The following DQX1 variants were observed in gnomAD, a reference collection of about 807,000 sequenced individuals.
DQX1 encodes the protein ATP-dependent RNA helicase homolog DQX1.
In DQX1, 66 loss-of-function variants were observed where a neutral mutation model predicts 81.3. The observed-to-expected ratio is 0.81, with a 90% CI of 0.67 to 1.00. DQX1 has a LOEUF of 1.00. Ranked by LOEUF, DQX1 falls within the 50% of genes least tolerant of loss-of-function variation. The pLI is 0.00. For synonymous variants in DQX1, 290 were observed against 350.0 expected (o/e 0.83, Z 1.91); for missense variants, 798 against 867.9 (o/e 0.92, Z 1.01).
rs1411625474 is a variant in DQX1 at position 74,526,176 on chromosome 2, C to G, written c.-60G>C. On this transcript the variant is annotated 5_prime_UTR_variant, in exon 1 of 12. Transcript: ENST00000404568. The stretch of plus-strand genomic sequence containing the variant: ...GGACGTGTCAGGACGGCAGTCAGCT[C>G]CAGACCCACGTAGTCACCACCAACC... The G allele has an allele frequency of 1.0e-4, 18 of 175,724 alleles. No homozygotes were observed. The highest frequency in any genetic ancestry group is 2.2e-4 in the Non-Finnish European group (18 of 82,796). 10.9% of individuals were successfully genotyped at this position (175,724 alleles called of 1,614,324 possible).
At chr2:74,519,796 A>G (rs961190054) in intron 9 of DQX1, 50 bp from the exon 10 acceptor site, 1 of 1,608,772 alleles carries the variant, frequency 6.2e-7, no homozygotes. Context: ...GACCCCTGAA[A>G]TAACCCAACC....
In DQX1 at chr2:74,519,555, C is replaced by T. The variant is rs200151764; in HGVS notation, c.1806+1G>A. 2 of 1,614,048 alleles carry T rather than the reference C, an allele frequency of 1.2e-6. No homozygotes were observed. The highest frequency in any genetic ancestry group is 8.5e-7 in the Non-Finnish European group (1 of 1,179,890). On this transcript the variant is annotated splice_donor_variant, in intron 10 of 11. Coordinates refer to ENST00000404568, the MANE Select transcript of DQX1 (RefSeq NM_133637.3). LOFTEE classifies it high-confidence loss of function. Reference sequence around the variant, plus strand: ...CCCTCACCCCCACCCTTTCCTCTAACCTTGAGAAAGTATCCTGACACCAGT... The same window carrying T: ...CCCTCACCCCCACCCTTTCCTCTAATCTTGAGAAAGTATCCTGACACCAGT...
At chr2:74,523,578 G>A (rs762195332) in intron 4 of DQX1, 41 bp from the exon 5 acceptor site, 23 of 1,576,750 alleles carry the variant, frequency 1.5e-5, no homozygotes, top group East Asian at 1.1e-4. Context: ...CAGTTCTCAC[G>A]TTTTTTGGGG....
chr2:74,523,923 C>T lies in DQX1; in HGVS notation c.816G>A (p.Glu272=), dbSNP rs2104341266. The T allele has an allele frequency of 1.9e-6, 3 of 1,566,676 alleles. No individual in the cohort carries two copies. The highest frequency in any genetic ancestry group is 4.5e-5 in the East Asian group (2 of 44,232). The change falls in exon 4 of 12, where the codon GAG becomes GAA. Residue 272 remains glutamate, a splice_region_variant and synonymous_variant. Transcript: ENST00000404568. The stretch of plus-strand genomic sequence containing the variant: ...TTTTTTGTTTTGTTTTGTTTTTTAC[C>T]TCCTCACTGGGCAGGAACACTAGCA... ...GDVLVFLPSE[E]EISLCCESLS...
chr2:74,523,162 A>C lies in DQX1; in HGVS notation c.1101T>G (p.Cys367Trp), dbSNP rs746573993. The change falls in exon 6 of 12, where the codon TGT becomes TGG. Residue 367 changes from cysteine (C) to tryptophan (W), a missense_variant. Coordinates refer to ENST00000404568, the MANE Select transcript of DQX1 (RefSeq NM_133637.3). ...CTCGCAATCGTCTTGCCTCTGCCTG[A>C]CACTTGCTGATTGGCCTCAACACTT... ...EFQVLRPISKCQAEARRLRAR... is the reference protein window; with the variant it reads ...EFQVLRPISKWQAEARRLRAR... 2.5e-6 allele frequency: 4 copies of C among 1,614,120 alleles called. No individual in the cohort carries two copies. Among genetic ancestry groups the C allele is most frequent in the Non-Finnish European group, 2.5e-6 (3 of 1,180,026 alleles).
intron 8 of DQX1, among the ~76,000 whole-genome samples, chr2:74,520,532 GA>G (rs1178982258): frequency 6.6e-6 from 1 of 152,212 alleles, no homozygotes; most frequent in African/African-American, 2.4e-5. Flanking sequence ...TGGAGGGAAT[GA>G]AATGACGTGG....
Position 74,523,951 on chromosome 2 carries a change from T to A in DQX1, c.788A>T (p.Asp263Val). The change falls in exon 4 of 12, where the codon GAT (aspartate) becomes GTT (valine). Residue 263 changes from aspartate (D) to valine (V), a missense_variant. Asp to Val is a radical substitution (Grantham distance 152, BLOSUM62 -3). Transcript: ENST00000404568. ...CTCACTGGGCAGGAACACTAGCACA[T>A]CTCCTGGAAGCTCCTTCCGACACAA... ...LELCRKELPGDVLVFLPSEEE... is the reference protein window; with the variant it reads ...LELCRKELPGVVLVFLPSEEE... 2 of 1,602,858 alleles carry A rather than the reference T, an allele frequency of 1.2e-6. No individual in the cohort carries two copies. The highest frequency in any genetic ancestry group is 2.2e-5 in the South Asian group (2 of 90,672).
chr2:74,519,887 G>A (rs958947864), intron 9 of DQX1, 28 bp downstream of exon 9: 1 of 1,604,846 alleles, frequency 6.2e-7, no homozygotes, highest in Non-Finnish European at 8.5e-7. Context: ...GGAAAATCTG[G>A]GATTCTATAA....
At chr2:74,518,894 C>T in intron 11 of DQX1, 146 bp downstream of exon 11, 1 of 922,060 alleles carries the variant, frequency 1.1e-6, no homozygotes, top group Non-Finnish European at 1.6e-6. Flanking sequence ...TTAAACTTCT[C>T]ACCAGCCCTT....
At position 74,524,265 on chromosome 2, in the gene DQX1, G is replaced by A; in HGVS notation, c.474C>T (p.Thr158=). Residue 158 remains threonine, a synonymous_variant, in exon 4 of 12, where the codon ACC becomes ACT. Coordinates refer to ENST00000404568, the MANE Select transcript of DQX1 (RefSeq NM_133637.3). ...GCACGCCCCAGGCTCCAGTGCCTCGGGTCGAGGCCACCTCCTGCAGAAGCA... is the reference window on the plus strand; with the variant it reads ...GCACGCCCCAGGCTCCAGTGCCTCGAGTCGAGGCCACCTCCTGCAGAAGCA... ...DRLLLQEVAS[T]RGTGAWGVLV... 6.2e-7 allele frequency: 1 copy of A among 1,613,836 alleles called. No individual in the cohort carries two copies. Among genetic ancestry groups the A allele is most frequent in the Non-Finnish European group, 8.5e-7 (1 of 1,179,964 alleles).
Position 74,518,348 on chromosome 2 carries a change from A to G in DQX1, c.*98T>C. On this transcript the variant is annotated 3_prime_UTR_variant, in exon 12 of 12. Transcript: ENST00000404568. ...TTCCAGGGTTTACATTTGACCCTAA[A>G]CTTTGGGCTTCTAAATCTGTCTGGG... 5.5e-6 allele frequency: 8 copies of G among 1,461,910 alleles called. No individual in the cohort carries two copies. In the South Asian group the frequency reaches 8.0e-5, roughly 15 times the overall value. 90.6% of individuals were successfully genotyped at this position (1,461,910 alleles called of 1,614,324 possible).
rs1204175402 is a variant in DQX1, at chr2:74,525,808, TC to T, written c.-19-61del. ...TGGTGACCGACACCATCTTCCCACC[TC>T]AGCCCTGATCCTTAACCTCTACCTT... On this transcript the variant is annotated intron_variant, in intron 1 of 11. Transcript: ENST00000404568. This position sits in a 1 kb window ranked among gnomAD's most constrained non-coding sequence, Gnocchi z 4.1. The T allele has an allele frequency of 8.3e-7, 1 of 1,198,114 alleles. No homozygotes were observed. Among genetic ancestry groups the T allele is most frequent in the Non-Finnish European group, 1.2e-6 (1 of 852,228 alleles). 74.2% of individuals were successfully genotyped at this position (1,198,114 alleles called of 1,614,324 possible). A position where few individuals can be genotyped will look rare whatever the true frequency, so the allele number is the denominator to read the frequency against.
At chr2:74,526,105 C>G (rs1004989011) in intron 1 of DQX1, 31 bp downstream of exon 1, 1 of 218,956 alleles carries the variant, frequency 4.6e-6, no homozygotes, top group Admixed American at 5.4e-5. Flanking sequence ...GGGAGAGGAA[C>G]AGCAGAGTCA....
Position 74,523,531 on chromosome 2 carries a change from A to G in DQX1, c.823T>C (p.Ser275Pro). The G allele has an allele frequency of 1.9e-6, 3 of 1,614,006 alleles. No individual in the cohort carries two copies. The South Asian group carries it at 3.3e-5, about 18-fold the overall frequency. The change falls in exon 5 of 12, where the codon TCC (serine) becomes CCC (proline). Residue 275 changes from serine to proline, a missense_variant. Transcript: ENST00000404568. ...CTGGACAAGGATTCACAGCACAGGG[A>G]AATTTCCTGAGAAGAAGGGTGGGTG... ...LVFLPSEEEISLCCESLSREV... is the reference protein window; with the variant it reads ...LVFLPSEEEIPLCCESLSREV...
rs765520131 is a variant in DQX1 at position 74,519,657 on chromosome 2, G to A, written c.1705C>T (p.Leu569Phe). ...AHKLRGELLELMQRIELPLSL... is the reference protein window; with the variant it reads ...AHKLRGELLEFMQRIELPLSL... ...AAGGGAAGTTCAATTCGTTGCATGA[G>A]TTCTAGGAGTTCTCCCCGAAGTTTA... The change falls in exon 10 of 12, where the codon CTC becomes TTC. Residue 569 changes from leucine (L) to phenylalanine (F), a missense_variant. Leu to Phe is a conservative substitution (Grantham distance 22). Transcript: ENST00000404568. The A allele has an allele frequency of 1.9e-6, 3 of 1,614,212 alleles. No homozygotes were observed. Among genetic ancestry groups the A allele is most frequent in the East Asian group, 4.5e-5 (2 of 44,892 alleles).
Position 74,519,186 on chromosome 2 carries a change from G to A in DQX1, c.1851C>T (p.Thr617=), listed in dbSNP as rs1280575486. 4 of 1,603,010 alleles carry A rather than the reference G, an allele frequency of 2.5e-6. No individual in the cohort carries two copies. The highest frequency in any genetic ancestry group is 3.4e-6 in the Non-Finnish European group (4 of 1,174,326). The change falls in exon 11 of 12, where the codon ACC becomes ACT. Residue 617 remains threonine (T), a synonymous_variant. Transcript: ENST00000404568. ...AGGAGAGCTGGGCCACATGCTTATG[G>A]GTTAGGAGAAGGTAATTTCCAGTCC... ...TDGTGNYLLL[T]HKHVAQLSSY...
intron 8 of DQX1, among the ~76,000 whole-genome samples, chr2:74,521,357 T>A (rs1313682936): frequency 6.6e-6 from 1 of 152,112 alleles, no homozygotes; most frequent in African/African-American, 2.4e-5. Context: ...CTGGTAGAAA[T>A]GTCCATCAGG....
intron 9 of DQX1, 21 bp from the exon 10 acceptor site, chr2:74,519,767 G>A: frequency 9.3e-6 from 15 of 1,613,422 alleles, no homozygotes; most frequent in Non-Finnish European, 1.3e-5. Context: ...AAAGGGACCA[G>A]CTAAACTAAA....
In DQX1 at chr2:74,519,744, C is replaced by T. The variant is rs141367262; in HGVS notation, c.1618G>A (p.Gly540Arg). Residue 540 changes from glycine (G) to arginine (R), a missense_variant and splice_region_variant, in exon 10 of 12, where the codon GGA (glycine) becomes AGA (arginine). Gly to Arg is a moderately radical substitution (Grantham distance 125, BLOSUM62 -2). Transcript: ENST00000404568. The stretch of plus-strand genomic sequence containing the variant: ...GCCTGGCACCAAGCCTCATCTGCTC[C>T]ACCTAGGAGAGGAAAGGGACCAGCT... Reference protein sequence around the residue: ...IQVYEAFIQSGADEAWCQARG... With the variant: ...IQVYEAFIQSRADEAWCQARG... The T allele has an allele frequency of 2.1e-5, 34 of 1,613,976 alleles. No individual in the cohort carries two copies. In the African/African-American group the frequency reaches 4.4e-4, roughly 21 times the overall value.
Sources: allele counts gnomAD v4.1 joint callset (sites outside exome capture counted in the v4.1 genomes callset), GRCh38; gene constraint gnomAD v4.1.1; non-coding constraint Gnocchi (gnomAD v3.1); transcripts MANE v1.5; gene names NCBI Gene and HGNC (gene_info 2026-07-23, HGNC 2026-07-21).